DRD3: variants seen among roughly 807,000 people sequenced by gnomAD.
DRD3 encodes the protein D(3) dopamine receptor.
DRD3 carries 19 observed loss-of-function variants against 36.3 expected under a neutral mutation model. The observed-to-expected ratio is 0.52, with a 90% CI of 0.36 to 0.77. The LOEUF is 0.77. Among genes scored for constraint, DRD3 ranks in the 30% least tolerant of loss-of-function variants. The pLI, the probability that DRD3 is intolerant of heterozygous loss-of-function variation, is 0.00. For missense variants in DRD3, 465 were observed against 505.3 expected, an observed-to-expected ratio of 0.92 and a Z score of 0.77; for synonymous variants, 195 against 203.7, an observed-to-expected ratio of 0.96 and a Z score of 0.36.
In DRD3 at chr3:114,132,995, CT is replaced by C. The variant is rs11406864; in HGVS notation, c.724-1596del. Among the ~76,000 whole-genome samples, 154 of 147,282 alleles carry C rather than the reference CT, an allele frequency of 1.0e-3. 1 individual carries two copies. Among genetic ancestry groups the C allele is most frequent in the African/African-American group, 3.0e-3 (122 of 40,190 alleles). ...TGTGTCTTATAAAACAGTCCGTATT[CT>C]TTTTTTTTTTTGAGACAGACTTTCG... On this transcript the variant is annotated intron_variant, in intron 5 of 6. Coordinates refer to ENST00000383673, the MANE Select transcript of DRD3 (RefSeq NM_000796.6).
rs1317724629 is a variant in DRD3 at position 114,189,105 on chromosome 3, A to G, written c.-156+10168T>C. ...TCTTTACCATGTAAAGTAATTATAAATAATATTTGTACACATTTTATATTA... is the reference window on the plus strand; with the variant it reads ...TCTTTACCATGTAAAGTAATTATAAGTAATATTTGTACACATTTTATATTA... On this transcript the variant is annotated intron_variant, in intron 1 of 7. Coordinates refer to the DRD3 transcript ENST00000460779. 2.6e-5 allele frequency among the ~76,000 whole-genome samples: 4 copies of G among 152,236 alleles called. No individual in the cohort carries two copies. In the East Asian group the frequency reaches 7.7e-4, roughly 29 times the overall value.
At chr3:114,159,989 G>C in intron 2 of DRD3, 122 bp from the exon 3 acceptor site, 1 of 801,474 alleles carries the variant, frequency 1.2e-6, no homozygotes, top group Non-Finnish European at 2.1e-6. Flanking sequence ...CCTGTGTACC[G>C]TTGTTCCCAC....
chr3:114,172,151 G>C, intron 1 of DRD3, 124 bp from the exon 2 acceptor site: 1 of 717,940 alleles, frequency 1.4e-6, no homozygotes, highest in African/African-American at 1.8e-5. Flanking sequence ...AGTAGGCACT[G>C]TTGTGAGAGT....
At chr3:114,165,965 C>G (rs998680656) in intron 2 of DRD3, among the ~76,000 whole-genome samples, 1 of 149,948 alleles carries the variant, frequency 6.7e-6, no homozygotes, top group African/African-American at 2.5e-5. Flanking sequence ...TTGGTAGACC[C>G]GAGGTAGACC....
intron 4 of DRD3, among the ~76,000 whole-genome samples, chr3:114,139,958 C>T (rs1402445588): frequency 6.6e-6 from 1 of 152,160 alleles, no homozygotes; most frequent in Non-Finnish European, 1.5e-5. Context: ...ATGAATGAGA[C>T]ACCATGTCTT....
At chr3:114,194,557 C>A (rs1366639598) in intron 1 of DRD3, among the ~76,000 whole-genome samples, 1 of 152,188 alleles carries the variant, frequency 6.6e-6, no homozygotes, top group Non-Finnish European at 1.5e-5. Context: ...GCTAGGATTA[C>A]AAGTGTGAGC....
intron 2 of DRD3, among the ~76,000 whole-genome samples, chr3:114,166,964 A>C (rs867756479): frequency 1.3e-5 from 2 of 152,282 alleles, no homozygotes; most frequent in South Asian, 4.1e-4. Context: ...GGAGGTCTTA[A>C]ATTATCATTT....
At chr3:114,169,966 G>A (rs2107881813) in intron 2 of DRD3, among the ~76,000 whole-genome samples, 1 of 152,318 alleles carries the variant, frequency 6.6e-6, no homozygotes, top group East Asian at 1.9e-4. Context: ...TTAGAGTGAA[G>A]GTCCACTGCC....
chr3:114,163,847 C>T (rs1577610578), intron 2 of DRD3, among the ~76,000 whole-genome samples: 1 of 152,128 alleles, frequency 6.6e-6, no homozygotes, highest in Middle Eastern at 3.4e-3. Context: ...AGCTATGAGG[C>T]AATGTGATAG....
chr3:114,183,726 A>G (rs2077960080), upstream of DRD3, among the ~76,000 whole-genome samples: 1 of 151,872 alleles, frequency 6.6e-6, no homozygotes, highest in Non-Finnish European at 1.5e-5. Flanking sequence ...TTTGTCTGAT[A>G]TTTGTCTAGC....
In DRD3 at chr3:114,190,462, ATTTTTTTTTTTTTTTTTTTTTTTTTTTTT is replaced by A. The variant is rs55938654; in HGVS notation, c.-156+8782_-156+8810del. ...TATATATATATATATATATATATAT[ATTTTTTTTTTTTTTTTTTTTTTTTTTTTT>A]TTTTTTTTTTTACAGAGCAAACCAA... On this transcript the variant is annotated intron_variant, in intron 1 of 7. Coordinates refer to the DRD3 transcript ENST00000460779. 1.4e-3 allele frequency among the ~76,000 whole-genome samples: 11 copies of A among 8,068 alleles called. No homozygotes were observed. In the South Asian group the frequency reaches 0.03, roughly 22 times the overall value. 5.3% of individuals were successfully genotyped at this position (8,068 alleles called of 152,430 possible).
intron 3 of DRD3, among the ~76,000 whole-genome samples, chr3:114,148,333 T>C (rs762766434): frequency 7.2e-5 from 11 of 152,194 alleles, no homozygotes; most frequent in Non-Finnish European, 1.6e-4. Flanking sequence ...TGTATCCTAA[T>C]ATAAATTATA....
chr3:114,161,684 A>T (rs1248491964), intron 2 of DRD3, among the ~76,000 whole-genome samples: 5 of 152,234 alleles, frequency 3.3e-5, no homozygotes, highest in Non-Finnish European at 7.3e-5. Context: ...AATTTATAGG[A>T]ATTCTGAGAA....
At chr3:114,195,242 G>A (rs1399824836) in intron 1 of DRD3, among the ~76,000 whole-genome samples, 2 of 152,268 alleles carry the variant, frequency 1.3e-5, no homozygotes, top group African/African-American at 2.4e-5. Flanking sequence ...GTGATTTCCT[G>A]TAAGTTATTT....
rs543642628 is a variant in DRD3 at position 114,128,369 on chromosome 3, A to C, written c.*347T>G. 1.5e-4 allele frequency among the ~76,000 whole-genome samples: 23 copies of C among 152,332 alleles called. No homozygotes were observed. Among genetic ancestry groups the C allele is most frequent in the Admixed American group, 1.4e-3 (22 of 15,298 alleles). The stretch of plus-strand genomic sequence containing the variant: ...ACTGGCTGATTTCAAGGACCCCTGC[A>C]AGTTGAGAATGATGAGATCTGTTCA... On this transcript the variant is annotated 3_prime_UTR_variant, in exon 7 of 7. Coordinates refer to ENST00000383673, the MANE Select transcript of DRD3 (RefSeq NM_000796.6).
At chr3:114,146,833 A>G (rs533793501) in intron 4 of DRD3, among the ~76,000 whole-genome samples, 9 of 152,228 alleles carry the variant, frequency 5.9e-5, no homozygotes, top group African/African-American at 2.2e-4. Flanking sequence ...TTTCAGACAT[A>G]TATATTGTCC....
chr3:114,140,326 A>G (rs9288993), intron 4 of DRD3, among the ~76,000 whole-genome samples: 11,293 of 152,236 alleles, frequency 0.074, 892 homozygotes, highest in African/African-American at 0.2. Context: ...ATATTGTGAC[A>G]TGGAGAATGT....
In DRD3 at chr3:114,159,966, G is replaced by A. The variant is rs967291549; in HGVS notation, c.271-99C>T. 23 of 966,650 alleles carry A rather than the reference G, an allele frequency of 2.4e-5. No individual in the cohort carries two copies. In the African/African-American group the frequency reaches 3.7e-4, roughly 15 times the overall value. The allele number at this position is 966,650 out of a possible 1,614,324, so 59.9% of individuals were successfully genotyped here. A position where few individuals can be genotyped will look rare whatever the true frequency, so the allele number is the denominator to read the frequency against. On this transcript the variant is annotated intron_variant, in intron 2 of 6. Coordinates refer to ENST00000383673, the MANE Select transcript of DRD3 (RefSeq NM_000796.6). The stretch of plus-strand genomic sequence containing the variant: ...TGCTTTGCTGCCTAGTGTAGATGTT[G>A]GCACTCCTACTCCCTGTGTACCGTT...
chr3:114,136,814 G>T (rs1475850813), intron 5 of DRD3, among the ~76,000 whole-genome samples: 1 of 152,196 alleles, frequency 6.6e-6, no homozygotes, highest in Non-Finnish European at 1.5e-5. Flanking sequence ...GGCAGGCCTG[G>T]CTTGAATTGG....
Sources: gnomAD v4.1 joint callset for allele counts (sites outside exome capture counted in the v4.1 genomes callset) on GRCh38, gnomAD v4.1.1 for gene constraint, MANE v1.5 for transcripts, NCBI Gene and HGNC (gene_info 2026-07-23, HGNC 2026-07-21) for gene names.